C5: variants seen among roughly 807,000 people sequenced by gnomAD.
The protein encoded by C5 is C3 and PZP-like alpha-2-macroglobulin domain-containing protein 4.
Under a neutral mutation model 218.8 loss-of-function variants are expected in C5, and 140 were observed. That is an observed-to-expected ratio of 0.64 (90% CI 0.56 to 0.74). C5 has a LOEUF of 0.74. Ranked by LOEUF, C5 falls within the 30% of genes least tolerant of loss-of-function variation. C5 has a pLI of 0.00. For synonymous variants in C5, 614 were observed against 682.3 expected, an observed-to-expected ratio of 0.90 and a Z score of 1.56; for missense variants, 1,700 against 1,969.6, an observed-to-expected ratio of 0.86 and a Z score of 2.59.
At chr9:121,035,897 AG>A (rs994759963) in intron 4 of C5, among the ~76,000 whole-genome samples, 3 of 152,022 alleles carry the variant, frequency 2.0e-5, no homozygotes, top group African/African-American at 7.2e-5. Context: ...AAATGTTTAA[AG>A]AGTTAGCAGG....
intron 29 of C5, among the ~76,000 whole-genome samples, chr9:120,975,627 T>G (rs1233334934): frequency 6.6e-6 from 1 of 152,172 alleles, no homozygotes; most frequent in Non-Finnish European, 1.5e-5. Context: ...GAGTTTATAC[T>G]CCACTCCCAC....
At chr9:120,965,259 C>G (rs1041958958) in intron 33 of C5, among the ~76,000 whole-genome samples, 1 of 152,108 alleles carries the variant, frequency 6.6e-6, no homozygotes, top group Non-Finnish European at 1.5e-5. Context: ...TGCGGTGGCT[C>G]ACACCTGTCA....
At chr9:121,025,622 A>G (rs2047415186) in intron 8 of C5, 42 bp from the exon 9 acceptor site, 2 of 1,588,052 alleles carry the variant, frequency 1.3e-6, no homozygotes. Flanking sequence ...TCGGAGAAGA[A>G]CTTATAAGGA....
In C5 at chr9:121,042,957, A is replaced by G. The variant is rs753933947; in HGVS notation, c.421+47T>C. ...TAAAAAGCTCTACAATATAGTGTCAATACTGTCAAATCCCCCACCCAGAGG... is the reference window on the plus strand; with the variant it reads ...TAAAAAGCTCTACAATATAGTGTCAGTACTGTCAAATCCCCCACCCAGAGG... On this transcript the variant is annotated intron_variant, in intron 3 of 40. Transcript: ENST00000223642. The G allele has an allele frequency of 6.7e-6, 10 of 1,495,550 alleles. 1 individual carries two copies. The East Asian group carries it at 2.3e-4, about 34-fold the overall frequency. 92.6% of individuals were successfully genotyped at this position (1,495,550 alleles called of 1,614,324 possible). A position where few individuals can be genotyped will look rare whatever the true frequency, so the allele number is the denominator to read the frequency against.
At chr9:120,991,364 GAA>G in intron 22 of C5, 84 bp from the exon 23 acceptor site, 4 of 791,964 alleles carry the variant, frequency 5.1e-6, no homozygotes, top group Non-Finnish European at 8.9e-6. Flanking sequence ...TACTTCCAAA[GAA>G]TATTTCAAAA....
chr9:121,008,610 T>C, intron 17 of C5, 112 bp from the exon 18 acceptor site: 1 of 812,338 alleles, frequency 1.2e-6, no homozygotes, highest in Non-Finnish European at 2.1e-6. Flanking sequence ...GAAAGGTAAA[T>C]AAAACATTTT....
rs80234581 is a variant in C5 at position 121,036,391 on chromosome 9, A to T, written c.492+1490T>A. 6.3e-3 allele frequency among the ~76,000 whole-genome samples: 952 copies of T among 151,936 alleles called. 12 individuals carry two copies. The highest frequency in any genetic ancestry group is 0.019 in the African/African-American group (786 of 41,422). ...CTCTTACAAGAGATGACTGACATTC[A>T]TTTTTCTGCAGGTTATGCCATGATT... On this transcript the variant is annotated intron_variant, in intron 4 of 40. Coordinates refer to ENST00000223642, the MANE Select transcript of C5 (RefSeq NM_001735.3).
chr9:120,996,766 G>A (rs7040033), intron 21 of C5, among the ~76,000 whole-genome samples: 62,291 of 152,006 alleles, frequency 0.41, 13,844 homozygotes, highest in South Asian at 0.63. Context: ...AAAATAAGTC[G>A]GTACATGTTT....
chr9:121,046,304 C>T lies in C5; in HGVS notation c.145G>A (p.Ala49Thr). 1 of 1,610,536 alleles carries T rather than the reference C, an allele frequency of 6.2e-7. No homozygotes were observed. Among genetic ancestry groups the T allele is most frequent in the Non-Finnish European group, 8.5e-7 (1 of 1,177,014 alleles). ...IVIQVYGYTE[A>T]FDATISIKSY... Reference sequence around the variant, plus strand: ...TTAATAGAGATTGTTGCATCAAATGCTTCAGTGTATCCATAAACTTGAATC... The same window carrying T: ...TTAATAGAGATTGTTGCATCAAATGTTTCAGTGTATCCATAAACTTGAATC... The change falls in exon 2 of 41, where the codon GCA (alanine) becomes ACA (threonine). Residue 49 changes from alanine to threonine, a missense_variant. By Grantham distance (58) the Ala-to-Thr change is moderately conservative. Transcript: ENST00000223642.
Position 121,021,414 on chromosome 9 carries a change from T to C in C5, c.1302+95A>G, listed in dbSNP as rs939348097. 9.6e-6 allele frequency: 9 copies of C among 939,914 alleles called. No individual in the cohort carries two copies. In the African/African-American group the frequency reaches 1.5e-4, roughly 15 times the overall value. 58.2% of individuals were successfully genotyped at this position (939,914 alleles called of 1,614,324 possible). The stretch of plus-strand genomic sequence containing the variant: ...TATGGAACTGTTCACTGGACTCATG[T>C]GTAAAATCTGCCGCATCTGTTCTGC... On this transcript the variant is annotated intron_variant, in intron 11 of 40. Transcript: ENST00000223642.
Position 120,952,536 on chromosome 9 carries a change from T to C in C5, c.*203A>G, listed in dbSNP as rs954885819. 25 of 495,554 alleles carry C rather than the reference T, an allele frequency of 5.0e-5. No homozygotes were observed. The highest frequency in any genetic ancestry group is 9.1e-5 in the Non-Finnish European group (25 of 275,634). 30.7% of individuals were successfully genotyped at this position (495,554 alleles called of 1,614,324 possible). ...AACCTTGGAGGAGTATCTGTCTTCA[T>C]GCCCTCCAAGGCCATGTTATTTCAG... On this transcript the variant is annotated 3_prime_UTR_variant, in exon 41 of 41. Transcript: ENST00000223642.
At chr9:121,046,813 T>A (rs914735582) in intron 1 of C5, among the ~76,000 whole-genome samples, 11 of 151,890 alleles carry the variant, frequency 7.2e-5, no homozygotes, top group Non-Finnish European at 1.3e-4. Context: ...AATAACTTAC[T>A]GTGAAAATAA....
chr9:120,989,695 C>T lies in C5; in HGVS notation c.3027G>A (p.Glu1009=), dbSNP rs780631275. 2 of 1,614,064 alleles carry T rather than the reference C, an allele frequency of 1.2e-6. No individual in the cohort carries two copies. The highest frequency in any genetic ancestry group is 1.7e-5 in the Admixed American group (1 of 60,026). The change falls in exon 24 of 41, where the codon GAG becomes GAA. Residue 1009 remains glutamate, a synonymous_variant. Transcript: ENST00000223642. The part of the protein sequence containing the change: ...ILTHLPKGSA[E]AELMSVVPVF... The stretch of plus-strand genomic sequence containing the variant: ...CTGGGACAACGCTCATCAGCTCCGC[C>T]TCTGCACTCCCTTTGGGGAGGTGGG...
At chr9:120,999,938 A>C (rs1384776755) in intron 20 of C5, 2 of 447,908 alleles carry the variant, frequency 4.5e-6, no homozygotes, top group Non-Finnish European at 4.5e-6. Flanking sequence ...GTGTGCCTGT[A>C]ATCCCAGCTA....
chr9:121,068,327 T>G, the C5 span, among the ~76,000 whole-genome samples: 1 of 152,094 alleles, frequency 6.6e-6, no homozygotes, highest in South Asian at 2.1e-4. Flanking sequence ...GTAGTGTTTC[T>G]ATACACAAAC....
Position 120,980,116 on chromosome 9 carries a change from C to A in C5, c.3625G>T (p.Val1209Phe), listed in dbSNP as rs1192777031. 6.2e-7 allele frequency: 1 copy of A among 1,614,098 alleles called. No individual in the cohort carries two copies. The highest frequency in any genetic ancestry group is 1.7e-5 in the Admixed American group (1 of 60,024). ...DKTHPQFRSI[V>F]SALKREALVK... ...AAAGCTTCTCTCTTCAAAGCTGAAA[C>A]AATTGAACGAAACTGTGGGTGAGTT... Residue 1209 changes from valine to phenylalanine, a missense_variant, in exon 28 of 41, where the codon GTT becomes TTT. By Grantham distance (50) the Val-to-Phe change is conservative. Transcript: ENST00000223642.
the C5 span, among the ~76,000 whole-genome samples, chr9:121,055,522 G>A: frequency 6.6e-6 from 1 of 152,050 alleles, no homozygotes; most frequent in African/African-American, 2.4e-5. Context: ...ACTTTGTCTT[G>A]CAACTTGGGT....
chr9:121,037,835 C>T (rs984798139), intron 4 of C5, 46 bp downstream of exon 4: 1 of 838,322 alleles, frequency 1.2e-6, no homozygotes, highest in South Asian at 1.7e-5. Flanking sequence ...AGATTCTTGT[C>T]CTGAAAAATG....
At chr9:121,072,293 T>A in the C5 span, among the ~76,000 whole-genome samples, 1 of 152,174 alleles carries the variant, frequency 6.6e-6, no homozygotes, top group East Asian at 1.9e-4. Flanking sequence ...CTAATATGAT[T>A]GATAATGAAC....
Sources: gnomAD v4.1 joint callset for allele counts (sites outside exome capture counted in the v4.1 genomes callset) on GRCh38, gnomAD v4.1.1 for gene constraint, MANE v1.5 for transcripts, NCBI Gene and HGNC (gene_info 2026-07-23, HGNC 2026-07-21) for gene names.